Variants in CFAP61 observed in about 807,000 individuals in gnomAD.
The protein encoded by CFAP61 is cilia and flagella associated protein 61, also known as cilia- and flagella-associated protein 61.
CFAP61 carries 107 observed loss-of-function variants against 135.6 expected under a neutral mutation model. The observed-to-expected ratio is 0.79, with a 90% CI of 0.67 to 0.93. The LOEUF is 0.93. CFAP61 is among the 40% of genes least tolerant of loss of function. CFAP61 has a pLI of 0.00. For synonymous variants in CFAP61, 575 were observed against 578.5 expected (o/e 0.99, Z 0.09); for missense variants, 1,507 against 1,556.2 (o/e 0.97, Z 0.53).
intron 13 of CFAP61, among the ~76,000 whole-genome samples, chr20:20,175,590 G>A (rs6112805): frequency 0.9 from 137,140 of 151,808 alleles, 62,769 homozygotes; most frequent in Middle Eastern, 0.99. Context: ...CAGTGGTGCA[G>A]TCTTGGCTCA....
Position 20,161,480 on chromosome 20 carries a change from C to T in CFAP61, c.1026+2036C>T, listed in dbSNP as rs562205150. Among the ~76,000 whole-genome samples the T allele has an allele frequency of 5.9e-5, 9 of 152,230 alleles. No individual in the cohort carries two copies. The South Asian group carries it at 1.9e-3, about 32-fold the overall frequency. On this transcript the variant is annotated intron_variant, in intron 10 of 26. Coordinates refer to ENST00000245957, the MANE Select transcript of CFAP61 (RefSeq NM_015585.4). ...TTAAAAATATTGAGAATAAAAAAAT[C>T]AATGGAAGAGTTTACATTGGCTTAG...
chr20:20,164,359 A>G, intron 11 of CFAP61, 131 bp downstream of exon 11: 2 of 888,072 alleles, frequency 2.3e-6, no homozygotes, highest in Non-Finnish European at 3.4e-6. Context: ...GGAATTTTTT[A>G]AAACACAAAT....
intron 26 of CFAP61, among the ~76,000 whole-genome samples, chr20:20,348,684 C>T (rs1225733105): frequency 1.4e-4 from 9 of 65,588 alleles, no homozygotes; most frequent in Admixed American, 4.7e-4. Context: ...AGCAAGACTC[C>T]GTATCAAAAA....
intron 9 of CFAP61, among the ~76,000 whole-genome samples, chr20:20,147,044 C>A (rs1420144431): frequency 1.3e-5 from 2 of 152,194 alleles, no homozygotes; most frequent in Admixed American, 1.3e-4. Context: ...ATAATGGCCT[C>A]CAGCTCTATC....
rs556887966 is a variant in CFAP61, at chr20:20,130,667, A to C, written c.860-12190A>C. 6.5e-4 allele frequency among the ~76,000 whole-genome samples: 98 copies of C among 151,900 alleles called. 6 individuals carry two copies. Among genetic ancestry groups the C allele is most frequent in the African/African-American group, 2.3e-3 (95 of 41,188 alleles). Reference sequence around the variant, plus strand: ...CAGGTTTGCATCAATTCTAGCAAACAGTCAGAGTGCCACCCATCCTGAATG... The same window carrying C: ...CAGGTTTGCATCAATTCTAGCAAACCGTCAGAGTGCCACCCATCCTGAATG... On this transcript the variant is annotated intron_variant, in intron 8 of 26. Transcript: ENST00000245957.
chr20:20,132,271 G>T (rs937336287), intron 8 of CFAP61, among the ~76,000 whole-genome samples: 1 of 151,956 alleles, frequency 6.6e-6, no homozygotes, highest in Non-Finnish European at 1.5e-5. Context: ...TTTAAAAGCT[G>T]AATAATAATA....
At chr20:20,153,483 A>G (rs947750229) in intron 9 of CFAP61, among the ~76,000 whole-genome samples, 3 of 152,178 alleles carry the variant, frequency 2.0e-5, no homozygotes, top group Admixed American at 6.5e-5. Context: ...AGATTAACCA[A>G]GAAAAGAAGA....
intron 7 of CFAP61, 75 bp from the exon 8 acceptor site, chr20:20,098,580 C>T: frequency 7.3e-7 from 1 of 1,377,794 alleles, no homozygotes; most frequent in African/African-American, 1.7e-5. Flanking sequence ...TGCACTCCAG[C>T]CTGGGTGACA....
intron 9 of CFAP61, among the ~76,000 whole-genome samples, chr20:20,147,215 C>T (rs780389003): frequency 6.6e-6 from 1 of 152,210 alleles, no homozygotes; most frequent in Non-Finnish European, 1.5e-5. Context: ...CATGCATGTG[C>T]ATGTGTCTTT....
At chr20:20,162,858 C>CAAG (rs1184757411) in intron 10 of CFAP61, among the ~76,000 whole-genome samples, 1 of 151,664 alleles carries the variant, frequency 6.6e-6, no homozygotes, top group East Asian at 1.9e-4. Flanking sequence ...TCAGCAACAA[C>CAAG]AGAACTTACA....
At chr20:20,356,117 GAGGGGAGGTAGTCACAC>G (rs1163466810) in intron 26 of CFAP61, among the ~76,000 whole-genome samples, 23 of 86,268 alleles carry the variant, frequency 2.7e-4, no homozygotes, top group African/African-American at 6.1e-4. Context: ...TGGTCACACT[GAGGGGAGGTAGTCACAC>G]TGAGAGGAGG....
intron 17 of CFAP61, among the ~76,000 whole-genome samples, chr20:20,213,367 T>C (rs994971241): frequency 1.3e-5 from 2 of 152,156 alleles, no homozygotes; most frequent in African/African-American, 4.8e-5. Flanking sequence ...CATGTGATTG[T>C]AACTCCCCTT....
chr20:20,288,432 G>A (rs1231160176), intron 22 of CFAP61, among the ~76,000 whole-genome samples, 177 bp from the exon 23 acceptor site: 1 of 152,182 alleles, frequency 6.6e-6, no homozygotes, highest in Non-Finnish European at 1.5e-5. Context: ...ATCTTAATGG[G>A]TTCTTCATGC....
intron 17 of CFAP61, among the ~76,000 whole-genome samples, chr20:20,208,337 T>A (rs1431901328): frequency 6.6e-6 from 1 of 152,232 alleles, no homozygotes; most frequent in Non-Finnish European, 1.5e-5. Context: ...TATGGGTCAC[T>A]TCCAATCACA....
intron 24 of CFAP61, among the ~76,000 whole-genome samples, chr20:20,295,421 T>G (rs2055347221): frequency 6.6e-6 from 1 of 152,108 alleles, no homozygotes; most frequent in Non-Finnish European, 1.5e-5. Flanking sequence ...GAGTCTGTGG[T>G]GCGTCCTCTC....
chr20:20,324,785 A>C (rs2057683295), intron 25 of CFAP61, among the ~76,000 whole-genome samples: 1 of 152,104 alleles, frequency 6.6e-6, no homozygotes, highest in Non-Finnish European at 1.5e-5. Flanking sequence ...TTGTACTTTC[A>C]ACTTGCCTCT....
intron 17 of CFAP61, among the ~76,000 whole-genome samples, chr20:20,202,265 A>T (rs981744482): frequency 6.6e-6 from 1 of 152,088 alleles, no homozygotes; most frequent in East Asian, 1.9e-4. Context: ...GGGTGGGAGG[A>T]TTCTAACACA....
intron 13 of CFAP61, among the ~76,000 whole-genome samples, chr20:20,185,150 G>A (rs558924332): frequency 5.3e-5 from 8 of 152,280 alleles, no homozygotes; most frequent in East Asian, 3.9e-4. Flanking sequence ...AATGAAGCTC[G>A]TATATTGTAA....
intron 8 of CFAP61, among the ~76,000 whole-genome samples, chr20:20,119,283 C>T (rs534758585): frequency 1.3e-5 from 2 of 152,004 alleles, no homozygotes; most frequent in African/African-American, 4.8e-5. Flanking sequence ...ATTATGGCTT[C>T]GATTTTGTTA....
Sources: allele counts gnomAD v4.1 joint callset (sites outside exome capture counted in the v4.1 genomes callset), GRCh38; gene constraint gnomAD v4.1.1; transcripts MANE v1.5; gene names NCBI Gene and HGNC (gene_info 2026-07-23, HGNC 2026-07-21).